Variants in LNX1 observed in about 807,000 individuals in gnomAD.
LNX1 encodes the protein ligand of numb-protein X 1.
LNX1 carries 54 observed loss-of-function variants against 68.4 expected under a neutral mutation model. The observed-to-expected ratio is 0.79, with a 90% CI of 0.63 to 0.99. The LOEUF (loss-of-function observed/expected upper bound fraction) is 0.99. Ranked by LOEUF, LNX1 falls within the 50% of genes least tolerant of loss-of-function variation. The pLI is 0.00. For missense variants in LNX1, 906 were observed against 926.4 expected, an observed-to-expected ratio of 0.98 and a Z score of 0.29; for synonymous variants, 336 against 350.0, an observed-to-expected ratio of 0.96 and a Z score of 0.45.
At chr4:53,543,888 G>C (rs1461009245) in intron 2 of LNX1, among the ~76,000 whole-genome samples, 1 of 150,176 alleles carries the variant, frequency 6.7e-6, no homozygotes, top group Admixed American at 6.8e-5. Flanking sequence ...CTGAATGGGG[G>C]ATTAAAAAAC....
intron 1 of LNX1, among the ~76,000 whole-genome samples, chr4:53,632,535 G>C (rs779308093): frequency 1.3e-5 from 2 of 152,224 alleles, no homozygotes; most frequent in Non-Finnish European, 2.9e-5. Flanking sequence ...CTCATGGCAG[G>C]ATGAATTCTG....
rs749016230 is a variant in LNX1 at position 53,496,247 on chromosome 4, G to A, written c.1126C>T (p.Arg376Ter). ...AGAATCACATGAAAGCTGTCATCTC[G>A]GGGTCTGTAGGCATCCGGGGCCTGT... The part of the protein sequence containing the change: ...NGQAPDAYRP[R>*]DDSFHVILNK... Residue 376 changes from arginine to a stop codon, truncating the protein, a stop_gained, in exon 6 of 11, where the codon CGA becomes TGA. Coordinates refer to ENST00000263925, the MANE Select transcript of LNX1 (RefSeq NM_001126328.3). LOFTEE classifies it high-confidence loss of function. 5.6e-6 allele frequency: 9 copies of A among 1,614,118 alleles called. No individual in the cohort carries two copies. The highest frequency in any genetic ancestry group is 6.8e-6 in the Non-Finnish European group (8 of 1,180,024).
chr4:53,473,290 T>A (rs572729731), intron 9 of LNX1, among the ~76,000 whole-genome samples: 3 of 152,202 alleles, frequency 2.0e-5, no homozygotes, highest in Non-Finnish European at 2.9e-5. Context: ...TGAAAGTGGC[T>A]GCAAAGGAAC....
intron 9 of LNX1, among the ~76,000 whole-genome samples, chr4:53,466,339 C>T (rs1394168024): frequency 3.3e-5 from 5 of 152,042 alleles, no homozygotes; most frequent in Admixed American, 6.6e-5. Context: ...TTTAAATGAT[C>T]GTAAAAAATA....
chr4:53,530,944 T>G (rs1286212325), intron 2 of LNX1, among the ~76,000 whole-genome samples: 1 of 152,096 alleles, frequency 6.6e-6, no homozygotes, highest in Non-Finnish European at 1.5e-5. Context: ...CAGGAGGTAT[T>G]GCTTGAGCTC....
chr4:53,579,912 C>T (rs1471151765), intron 1 of LNX1, among the ~76,000 whole-genome samples: 2 of 152,068 alleles, frequency 1.3e-5, no homozygotes, highest in South Asian at 2.1e-4. Flanking sequence ...AAGATTTGAC[C>T]CTAAAGCATC....
intron 2 of LNX1, among the ~76,000 whole-genome samples, chr4:53,536,248 T>C (rs1728364854): frequency 6.6e-6 from 1 of 152,150 alleles, no homozygotes; most frequent in Non-Finnish European, 1.5e-5. Context: ...TTAGTGGAAA[T>C]CCCATGGGAA....
At chr4:53,611,065 A>AT (rs778429792) in intron 2 of LNX1, among the ~76,000 whole-genome samples, 2 of 152,108 alleles carry the variant, frequency 1.3e-5, no homozygotes, top group Admixed American at 1.3e-4. Flanking sequence ...AAAACTGTCT[A>AT]TTTTTGCAAA....
In LNX1 at chr4:53,567,867, C is replaced by A. The variant is rs1560671073; in HGVS notation, c.380+5756G>T. ...CTACCATCAGAGAATACTACAAACA[C>A]CTCTATGCAAATAAACTAGAAAATC... On this transcript the variant is annotated intron_variant, in intron 2 of 10. Transcript: ENST00000263925. 2.0e-5 allele frequency among the ~76,000 whole-genome samples: 3 copies of A among 152,190 alleles called. 1 individual carries two copies. The highest frequency in any genetic ancestry group is 4.2e-4 in the South Asian group (2 of 4,814).
intron 2 of LNX1, among the ~76,000 whole-genome samples, chr4:53,606,142 A>G (rs946359424): frequency 6.6e-6 from 1 of 152,112 alleles, no homozygotes; most frequent in Non-Finnish European, 1.5e-5. Context: ...CACAAACCCA[A>G]CACATCCAGA....
rs1217147768 is a variant in LNX1 at position 53,460,675 on chromosome 4, A to AATG, written c.*229_*231dup. The AATG allele has an allele frequency of 4.8e-6, 2 of 419,186 alleles. No homozygotes were observed. The highest frequency in any genetic ancestry group is 4.5e-5 in the Admixed American group (1 of 22,038). The allele number at this position is 419,186 out of a possible 1,614,324, so 26.0% of individuals were successfully genotyped here. A position where few individuals can be genotyped will look rare whatever the true frequency, so the allele number is the denominator to read the frequency against. On this transcript the variant is annotated 3_prime_UTR_variant, in exon 11 of 11. Coordinates refer to ENST00000263925, the MANE Select transcript of LNX1 (RefSeq NM_001126328.3). ...TTTATTGAATAGAAAAAATATAAACAATGTTGTAGAGTAATGAGAAATCCT... is the reference window on the plus strand; with the variant it reads ...TTTATTGAATAGAAAAAATATAAACAATGATGTTGTAGAGTAATGAGAAATCCT...
At chr4:53,587,048 C>CA (rs918862928) in intron 1 of LNX1, among the ~76,000 whole-genome samples, 31 of 151,776 alleles carry the variant, frequency 2.0e-4, no homozygotes, top group African/African-American at 4.8e-4. Context: ...CTAAATATGC[C>CA]AAAAAAAATG....
intron 2 of LNX1, among the ~76,000 whole-genome samples, chr4:53,560,320 G>T (rs1730196226): frequency 6.6e-6 from 1 of 152,108 alleles, no homozygotes; most frequent in African/African-American, 2.4e-5. Context: ...TCACCACCTT[G>T]CATTTAAAGG....
intron 1 of LNX1, among the ~76,000 whole-genome samples, chr4:53,639,572 G>A (rs1381417059): frequency 6.6e-6 from 1 of 152,134 alleles, no homozygotes; most frequent in African/African-American, 2.4e-5. Flanking sequence ...GATGAAAATG[G>A]TGCAAACAAA....
intron 2 of LNX1, among the ~76,000 whole-genome samples, chr4:53,540,899 G>A (rs761706942): frequency 1.3e-5 from 2 of 152,082 alleles, no homozygotes; most frequent in Admixed American, 1.3e-4. Flanking sequence ...CACTTTGGGA[G>A]GCTGAGACGG....
chr4:53,617,048 C>T (rs774378500), intron 1 of LNX1, among the ~76,000 whole-genome samples: 72 of 152,138 alleles, frequency 4.7e-4, no homozygotes, highest in Non-Finnish European at 8.5e-4. Flanking sequence ...TAAGTCTGTG[C>T]TTGTGCCAGT....
chr4:53,508,276 C>T (rs746192045), intron 2 of LNX1, 49 bp from the exon 3 acceptor site: 9 of 1,594,108 alleles, frequency 5.6e-6, no homozygotes, highest in Non-Finnish European at 6.9e-6. Context: ...GCTCTGCTGC[C>T]ATTCCTCAGT....
At chr4:53,606,014 C>G (rs527670791) in intron 2 of LNX1, among the ~76,000 whole-genome samples, 1 of 152,134 alleles carries the variant, frequency 6.6e-6, no homozygotes, top group South Asian at 2.1e-4. Flanking sequence ...CTTATCATTC[C>G]TTGTCTTTAT....
chr4:53,526,142 G>A (rs749841250), intron 2 of LNX1, among the ~76,000 whole-genome samples: 14 of 152,118 alleles, frequency 9.2e-5, no homozygotes, highest in Admixed American at 1.3e-4. Context: ...CATACGCCAC[G>A]TTCAGCAGGA....
Sources: allele counts gnomAD v4.1 joint callset (sites outside exome capture counted in the v4.1 genomes callset), GRCh38; gene constraint gnomAD v4.1.1; transcripts MANE v1.5; gene names NCBI Gene and HGNC (gene_info 2026-07-23, HGNC 2026-07-21).